Variants in KCNIP4 observed in about 807,000 individuals in gnomAD.
The protein encoded by KCNIP4 is potassium voltage-gated channel interacting protein 4.
In KCNIP4, 12 loss-of-function variants were observed where a neutral mutation model predicts 34.0. The ratio of observed to expected loss-of-function variants is 0.35; its 90% CI spans 0.23 to 0.57. The LOEUF is 0.57. Ranked by LOEUF, KCNIP4 falls within the 20% of genes least tolerant of loss-of-function variation. The pLI is 0.83. For missense variants in KCNIP4, 238 were observed against 311.7 expected (o/e 0.76, Z 1.78); for synonymous variants, 124 against 102.2 (o/e 1.21, Z -1.29).
chr4:21,362,106 T>G (rs1719293849), intron 1 of KCNIP4, among the ~76,000 whole-genome samples: 1 of 152,084 alleles, frequency 6.6e-6, no homozygotes, highest in Non-Finnish European at 1.5e-5. Flanking sequence ...TCTGATAAAA[T>G]GCACAATTCG....
chr4:21,601,272 G>C (rs890631222), intron 1 of KCNIP4, among the ~76,000 whole-genome samples: 5 of 151,938 alleles, frequency 3.3e-5, no homozygotes, highest in African/African-American at 9.7e-5. Context: ...ATTGCCAAAA[G>C]AATCAATTTC....
At chr4:21,326,832 T>G (rs530609825) in intron 1 of KCNIP4, among the ~76,000 whole-genome samples, 1 of 152,140 alleles carries the variant, frequency 6.6e-6, no homozygotes, top group East Asian at 1.9e-4. Flanking sequence ...GATTTGAGGT[T>G]ACTATGAGAC....
intron 1 of KCNIP4, among the ~76,000 whole-genome samples, chr4:21,779,857 A>G (rs999588513): frequency 2.0e-5 from 3 of 151,958 alleles, no homozygotes; most frequent in African/African-American, 7.3e-5. Flanking sequence ...CTTGAGCCCA[A>G]GAGTTCAAGG....
chr4:21,078,315 A>G (rs1263786133), intron 1 of KCNIP4, among the ~76,000 whole-genome samples: 2 of 152,106 alleles, frequency 1.3e-5, no homozygotes, highest in Non-Finnish European at 2.9e-5. Context: ...TATAACAAAC[A>G]TTATGCTGAG....
At chr4:21,128,203 C>T (rs1750775423) in intron 1 of KCNIP4, among the ~76,000 whole-genome samples, 2 of 152,132 alleles carry the variant, frequency 1.3e-5, no homozygotes, top group Non-Finnish European at 1.5e-5. Flanking sequence ...CAACAGCTTT[C>T]ATAGAGAGTA....
chr4:20,849,297 A>G (rs895580445), intron 3 of KCNIP4, among the ~76,000 whole-genome samples: 2 of 152,064 alleles, frequency 1.3e-5, no homozygotes, highest in Non-Finnish European at 2.9e-5. Flanking sequence ...TAATAGAGGG[A>G]GAAAAACTTA....
At chr4:21,928,326 T>C (rs1179506117) in intron 1 of KCNIP4, among the ~76,000 whole-genome samples, 1 of 152,050 alleles carries the variant, frequency 6.6e-6, no homozygotes, top group African/African-American at 2.4e-5. Context: ...ACTTAAAAAA[T>C]GGTCTTGCAT....
chr4:20,752,264 G>T (rs1005967129), intron 4 of KCNIP4, among the ~76,000 whole-genome samples: 2 of 151,832 alleles, frequency 1.3e-5, no homozygotes, highest in Admixed American at 6.6e-5. Context: ...TCATCACGTT[G>T]GCCAGACTGG....
chr4:21,152,848 G>T (rs936112568), intron 1 of KCNIP4, among the ~76,000 whole-genome samples: 12 of 152,246 alleles, frequency 7.9e-5, no homozygotes, highest in African/African-American at 1.7e-4. Flanking sequence ...TCTATGTTGG[G>T]TATTCCCTGA....
chr4:21,407,181 T>G (rs1724065416), intron 1 of KCNIP4, among the ~76,000 whole-genome samples: 1 of 151,720 alleles, frequency 6.6e-6, no homozygotes, highest in African/African-American at 2.4e-5. Flanking sequence ...TTGTTTTATT[T>G]AGTATGCCTC....
intron 1 of KCNIP4, among the ~76,000 whole-genome samples, chr4:21,676,826 T>C (rs1054778608): frequency 6.6e-6 from 1 of 152,150 alleles, no homozygotes; most frequent in Non-Finnish European, 1.5e-5. Flanking sequence ...CATGAAATAC[T>C]GAGTATGTCT....
At chr4:20,841,335 C>T (rs1053855225) in intron 3 of KCNIP4, among the ~76,000 whole-genome samples, 2 of 152,158 alleles carry the variant, frequency 1.3e-5, no homozygotes. Flanking sequence ...AAAGAAGGTG[C>T]AGCACCTGCT....
At chr4:21,130,434 A>G (rs893474134) in intron 1 of KCNIP4, among the ~76,000 whole-genome samples, 3 of 152,212 alleles carry the variant, frequency 2.0e-5, no homozygotes. Flanking sequence ...AGAAGGCACT[A>G]GTTCCAAGAA....
intron 1 of KCNIP4, among the ~76,000 whole-genome samples, chr4:21,150,845 GC>G (rs1191470613): frequency 2.0e-5 from 3 of 152,072 alleles, no homozygotes; most frequent in Non-Finnish European, 2.9e-5. Context: ...TGACTTGGGT[GC>G]TTTGAAAAAA....
At chr4:21,759,069 C>G (rs530593011) in intron 1 of KCNIP4, among the ~76,000 whole-genome samples, 1 of 152,256 alleles carries the variant, frequency 6.6e-6, no homozygotes, top group South Asian at 2.1e-4. Flanking sequence ...ACATTGACAT[C>G]ATGAATTACT....
intron 1 of KCNIP4, among the ~76,000 whole-genome samples, chr4:21,223,004 C>A (rs1369100079): frequency 6.6e-6 from 1 of 152,170 alleles, no homozygotes; most frequent in Non-Finnish European, 1.5e-5. Context: ...ATACTGGCCT[C>A]CCAAAGATGT....
At chr4:21,423,742 C>T (rs1206009967) in intron 1 of KCNIP4, among the ~76,000 whole-genome samples, 1 of 152,092 alleles carries the variant, frequency 6.6e-6, no homozygotes, top group African/African-American at 2.4e-5. Context: ...AACCATGCTA[C>T]CAGCCAGCAT....
intron 1 of KCNIP4, among the ~76,000 whole-genome samples, chr4:21,767,811 T>C (rs1465220843): frequency 1.3e-5 from 2 of 152,106 alleles, no homozygotes; most frequent in African/African-American, 2.4e-5. Flanking sequence ...CATCAAATAG[T>C]TGTAAGTGCC....
Position 21,635,653 on chromosome 4 carries a change from G to A in KCNIP4, c.61+312918C>T, listed in dbSNP as rs569150465. 8.3e-4 allele frequency among the ~76,000 whole-genome samples: 126 copies of A among 152,252 alleles called. 1 individual carries two copies. Among genetic ancestry groups the A allele is most frequent in the Middle Eastern group, 3.4e-3 (1 of 294 alleles). On this transcript the variant is annotated intron_variant, in intron 1 of 8. Coordinates refer to ENST00000382152, the MANE Select transcript of KCNIP4 (RefSeq NM_025221.6). ...GTCAGGAAACAACAGGTGCTGGAGA[G>A]GATGTGGAGAAATAGGAACACTTTT...
Sources: allele counts gnomAD v4.1 joint callset (sites outside exome capture counted in the v4.1 genomes callset), GRCh38; gene constraint gnomAD v4.1.1; transcripts MANE v1.5; gene names NCBI Gene and HGNC (gene_info 2026-07-23, HGNC 2026-07-21).